PLEKHS1: variants seen among roughly 807,000 people sequenced by gnomAD.
PLEKHS1 encodes pleckstrin homology domain containing S1, also known as pleckstrin homology domain-containing family S member 1.
PLEKHS1 carries 55 observed loss-of-function variants against 51.0 expected under a neutral mutation model. That is an observed-to-expected ratio of 1.08 (90% CI 0.87 to 1.35). The LOEUF (loss-of-function observed/expected upper bound fraction) is 1.35. PLEKHS1 is among the 40% of genes most tolerant of loss of function. The probability of loss-of-function intolerance (pLI) is 0.00; values close to 1 mark genes in which losing one functional copy is unlikely to be tolerated. For missense variants in PLEKHS1, 398 were observed against 423.0 expected, an observed-to-expected ratio of 0.94 and a Z score of 0.52; for synonymous variants, 153 against 144.8, an observed-to-expected ratio of 1.06 and a Z score of -0.41.
At chr10:113,782,454 C>G (rs1006901732), downstream of PLEKHS1, 2 of 152,190 alleles carry the variant, frequency 1.3e-5, no homozygotes, top group South Asian at 2.1e-4. Flanking sequence ...ATCTGTGTCC[C>G]TAACAAATCC....
At chr10:113,765,221 G>T (rs1844107497) in intron 2 of PLEKHS1, 1 of 497,140 alleles carries the variant, frequency 2.0e-6, no homozygotes, top group Non-Finnish European at 3.7e-6. Context: ...AATTTTTTGG[G>T]AACAACTTTC....
intron 2 of PLEKHS1, among the ~76,000 whole-genome samples, chr10:113,763,978 GAATT>G (rs1443802439): frequency 6.6e-6 from 1 of 152,072 alleles, no homozygotes; most frequent in Non-Finnish European, 1.5e-5. Flanking sequence ...TCCTAATGAT[GAATT>G]ATTTCAGCCT....
intron 1 of PLEKHS1, among the ~76,000 whole-genome samples, chr10:113,753,404 GA>G (rs534022738): frequency 5.3e-4 from 81 of 152,316 alleles, no homozygotes; most frequent in African/African-American, 1.8e-3. Context: ...AGGTTTTGAA[GA>G]GGTTACGTTC....
chr10:113,778,326 A>G (rs1844761176), intron 11 of PLEKHS1, among the ~76,000 whole-genome samples: 1 of 152,232 alleles, frequency 6.6e-6, no homozygotes, highest in South Asian at 2.1e-4. Context: ...TATGAAAAAA[A>G]GATTAGTCCA....
At position 113,752,837 on chromosome 10, in the gene PLEKHS1, C is replaced by A. The variant is rs186690908; in HGVS notation, c.-20+1076C>A. Among the ~76,000 whole-genome samples, 215 of 152,274 alleles carry A rather than the reference C, an allele frequency of 1.4e-3. 1 individual carries two copies. The highest frequency in any genetic ancestry group is 5.0e-3 in the African/African-American group (208 of 41,558). ...TGTCCTCCAAAGCACACTTTGACAT[C>A]CACAGGGCACAGGGAGGGCAAATGT... On this transcript the variant is annotated intron_variant, in intron 1 of 11. Transcript: ENST00000361048.
exon 11 of PLEKHS1, chr10:113,775,845 C>G: frequency 1.2e-6 from 2 of 1,611,804 alleles, no homozygotes; most frequent in Non-Finnish European, 8.5e-7. Flanking sequence ...CTTGCTCTCA[C>G]AGAAGCCACA....
intron 11 of PLEKHS1, chr10:113,778,024 A>T: frequency 3.5e-6 from 1 of 285,820 alleles, no homozygotes; most frequent in African/African-American, 2.2e-5. Flanking sequence ...CCCTAATATT[A>T]TATGGGTATG....
intron 2 of PLEKHS1, among the ~76,000 whole-genome samples, chr10:113,762,753 G>A (rs1195910935): frequency 6.6e-6 from 1 of 151,796 alleles, no homozygotes; most frequent in African/African-American, 2.4e-5. Context: ...AATAAATGTT[G>A]CATGTGCCCT....
At chr10:113,771,744 A>G (rs1290653446) in intron 7 of PLEKHS1, among the ~76,000 whole-genome samples, 1 of 151,968 alleles carries the variant, frequency 6.6e-6, no homozygotes, top group African/African-American at 2.4e-5. Context: ...ACTGTTCCAA[A>G]CGGTAGAGAA....
At chr10:113,776,061 T>G (rs2134574019) in intron 11 of PLEKHS1, among the ~76,000 whole-genome samples, 195 bp downstream of exon 11, 1 of 152,230 alleles carries the variant, frequency 6.6e-6, no homozygotes, top group Admixed American at 6.5e-5. Flanking sequence ...AAAGTCAGCC[T>G]GGAGGTGAGC....
exon 6 of PLEKHS1, chr10:113,768,837 T>A (rs1229357098): frequency 5.0e-6 from 8 of 1,613,714 alleles, no homozygotes; most frequent in Middle Eastern, 1.7e-4. Flanking sequence ...AGACTGGGTC[T>A]CCTTCATGTC....
chr10:113,768,766 A>C, intron 5 of PLEKHS1, 49 bp from the exon 6 acceptor site: 1 of 1,409,578 alleles, frequency 7.1e-7, no homozygotes. Context: ...CTGGTTCAAA[A>C]GGCACTATTG....
chr10:113,772,110 C>T (rs1275492135), intron 8 of PLEKHS1, 21 bp downstream of exon 8: 3 of 1,609,400 alleles, frequency 1.9e-6, no homozygotes, highest in East Asian at 4.5e-5. Context: ...CTTGTCCATT[C>T]ATCATTTGTT....
chr10:113,758,546 G>A (rs1843776763), intron 2 of PLEKHS1, among the ~76,000 whole-genome samples: 1 of 152,196 alleles, frequency 6.6e-6, no homozygotes, highest in Non-Finnish European at 1.5e-5. Flanking sequence ...TAGAGCACAA[G>A]TAGAGTAGAT....
chr10:113,768,926 T>C (rs1195637964), intron 6 of PLEKHS1, 36 bp downstream of exon 6: 2 of 1,499,798 alleles, frequency 1.3e-6, no homozygotes, highest in Non-Finnish European at 1.8e-6. Context: ...ACAGGGCACC[T>C]GAACACAACC....
chr10:113,755,083 C>T (rs7919854), intron 1 of PLEKHS1, among the ~76,000 whole-genome samples, 176 bp from the exon 2 acceptor site: 2,590 of 152,256 alleles, frequency 0.017, 79 homozygotes, highest in African/African-American at 0.059. Flanking sequence ...CTGCAGCTAC[C>T]GTCAGCCTCA....
At chr10:113,767,398 A>T in exon 5 of PLEKHS1, 2 of 1,612,962 alleles carry the variant, frequency 1.2e-6, no homozygotes, top group African/African-American at 2.7e-5. Flanking sequence ...CAATCTGTGC[A>T]GAAGATGTTT....
chr10:113,774,347 C>A lies in PLEKHS1; in HGVS notation c.779+14C>A. 1 of 1,476,976 alleles carries A rather than the reference C, an allele frequency of 6.8e-7. No homozygotes were observed. Among genetic ancestry groups the A allele is most frequent in the Non-Finnish European group, 9.2e-7 (1 of 1,085,916 alleles). The allele number at this position is 1,476,976 out of a possible 1,614,324, so 91.5% of individuals were successfully genotyped here. ...AATGGAATCCTAGTAAGTCAAAATGCCGTTTCAAAATTTGATGTTTGCTCA... is the reference window on the plus strand; with the variant it reads ...AATGGAATCCTAGTAAGTCAAAATGACGTTTCAAAATTTGATGTTTGCTCA... On this transcript the variant is annotated intron_variant, in intron 9 of 11. Transcript: ENST00000361048.
At chr10:113,769,659 C>T (rs777527006) in intron 6 of PLEKHS1, 125 bp from the exon 7 acceptor site, 1 of 697,640 alleles carries the variant, frequency 1.4e-6, no homozygotes, top group Non-Finnish European at 2.6e-6. Flanking sequence ...TGCTGGCAGG[C>T]CAGCGGCATG....
Sources: gnomAD v4.1 joint callset for allele counts (sites outside exome capture counted in the v4.1 genomes callset) on GRCh38, gnomAD v4.1.1 for gene constraint, MANE v1.5 for transcripts, NCBI Gene and HGNC (gene_info 2026-07-23, HGNC 2026-07-21) for gene names.